Variants in AGBL1 observed in about 807,000 individuals in gnomAD.
AGBL1 encodes cytosolic carboxypeptidase 4.
A neutral mutation model predicts 118.9 loss-of-function variants in AGBL1; 130 were observed. The observed-to-expected ratio is 1.09, with a 90% confidence interval of 0.95 to 1.26. The LOEUF (loss-of-function observed/expected upper bound fraction) is 1.26, where lower values mean the gene tolerates loss of function less well. Among genes scored for constraint, AGBL1 ranks in the 50% most tolerant of loss-of-function variants. The pLI is 0.00. For synonymous variants in AGBL1, 555 were observed against 478.9 expected, an observed-to-expected ratio of 1.16 and a Z score of -2.08; for missense variants, 1,584 against 1,298.1, an observed-to-expected ratio of 1.22 and a Z score of -3.38.
At chr15:86,648,181 G>A (rs777722342) in intron 21 of AGBL1, among the ~76,000 whole-genome samples, 3 of 152,092 alleles carry the variant, frequency 2.0e-5, no homozygotes, top group African/African-American at 2.4e-5. Flanking sequence ...TAAACTTTGC[G>A]AAAACTGTTT....
intron 18 of AGBL1, among the ~76,000 whole-genome samples, chr15:86,521,634 A>G (rs1347073380): frequency 6.6e-6 from 1 of 152,204 alleles, no homozygotes; most frequent in African/African-American, 2.4e-5. Flanking sequence ...GTAGGGGTAC[A>G]TGAAGATGGA....
At chr15:86,483,446 A>G (rs750528891) in intron 18 of AGBL1, among the ~76,000 whole-genome samples, 10 of 152,100 alleles carry the variant, frequency 6.6e-5, no homozygotes, top group Non-Finnish European at 1.5e-4. Context: ...GCCTAATGGC[A>G]GTTAGCGAGG....
chr15:87,017,541 A>G (rs1467021683), intron 24 of AGBL1, among the ~76,000 whole-genome samples: 1 of 152,170 alleles, frequency 6.6e-6, no homozygotes, highest in Non-Finnish European at 1.5e-5. Flanking sequence ...AAATGGCAGC[A>G]GTCCTACAGA....
At chr15:86,891,674 A>T (rs548518055) in intron 22 of AGBL1, among the ~76,000 whole-genome samples, 17 of 152,074 alleles carry the variant, frequency 1.1e-4, no homozygotes, top group Non-Finnish European at 2.2e-4. Context: ...GTAAAGTGAA[A>T]AACTGGGTTG....
chr15:86,466,433 A>C (rs1414477338), intron 18 of AGBL1, among the ~76,000 whole-genome samples: 6 of 152,230 alleles, frequency 3.9e-5, no homozygotes, highest in Non-Finnish European at 8.8e-5. Flanking sequence ...GCATTGAATT[A>C]GAACATGCTC....
At chr15:86,772,151 C>G (rs2078191360) in intron 22 of AGBL1, among the ~76,000 whole-genome samples, 1 of 151,986 alleles carries the variant, frequency 6.6e-6, no homozygotes. Flanking sequence ...CCTTGGGAAA[C>G]CACCTCTCCT....
At chr15:86,692,446 T>C (rs2086189295) in intron 22 of AGBL1, among the ~76,000 whole-genome samples, 1 of 152,068 alleles carries the variant, frequency 6.6e-6, no homozygotes, top group African/African-American at 2.4e-5. Context: ...TGCCCTCACC[T>C]ATGAAAGCTG....
At chr15:87,004,368 T>G (rs945140063) in intron 24 of AGBL1, among the ~76,000 whole-genome samples, 6 of 152,172 alleles carry the variant, frequency 3.9e-5, no homozygotes, top group Non-Finnish European at 7.4e-5. Context: ...GAATCTGCGT[T>G]CTCCTGTAGT....
chr15:86,205,555 C>A (rs935786879), intron 5 of AGBL1, among the ~76,000 whole-genome samples: 1 of 152,176 alleles, frequency 6.6e-6, no homozygotes, highest in African/African-American at 2.4e-5. Flanking sequence ...TGGTTGTTAC[C>A]GTTTTGCATT....
rs141002300 is a variant in AGBL1, at chr15:86,748,187, G to A, written c.3158+73751G>A. Among the ~76,000 whole-genome samples, 781 of 152,232 alleles carry A rather than the reference G, an allele frequency of 5.1e-3. 7 individuals carry two copies. The highest frequency in any genetic ancestry group is 0.018 in the African/African-American group (735 of 41,548). On this transcript the variant is annotated intron_variant, in intron 22 of 22. Coordinates refer to ENST00000614907, the MANE Select transcript of AGBL1 (RefSeq NM_001386094.1). ...ATCACCATTCTAACTGGTGGGAGAT[G>A]GTATCTCATTGTGATTTTGATTTGC...
rs1187338815 is a variant in AGBL1 at position 86,434,205 on chromosome 15, G to GC, written c.2555+36660dup. On this transcript the variant is annotated intron_variant, in intron 18 of 22. Transcript: ENST00000614907. Reference sequence around the variant, plus strand: ...ATCTGGATTAATCACCGTGGTGAAAGCTGTTGTCCACACAGAGTTTTACGA... The same window carrying GC: ...ATCTGGATTAATCACCGTGGTGAAAGCCTGTTGTCCACACAGAGTTTTACGA... Among the ~76,000 whole-genome samples, 4 of 152,328 alleles carry GC rather than the reference G, an allele frequency of 2.6e-5. No individual in the cohort carries two copies. In the East Asian group the frequency reaches 7.7e-4, roughly 29 times the overall value.
intron 18 of AGBL1, among the ~76,000 whole-genome samples, chr15:86,456,595 G>A (rs893705249): frequency 6.6e-5 from 10 of 152,188 alleles, no homozygotes; most frequent in South Asian, 2.1e-4. Context: ...CATGTCTGTA[G>A]GCTGGATCTC....
chr15:86,182,170 G>T (rs1044235949), intron 5 of AGBL1, among the ~76,000 whole-genome samples: 5 of 152,048 alleles, frequency 3.3e-5, no homozygotes, highest in Admixed American at 1.3e-4. Context: ...CATTTGAGAC[G>T]AGTGGTAATG....
At chr15:86,369,434 A>C (rs936332240) in intron 17 of AGBL1, among the ~76,000 whole-genome samples, 2 of 152,156 alleles carry the variant, frequency 1.3e-5, no homozygotes, top group East Asian at 1.9e-4. Context: ...CTATAATTTG[A>C]TTGACACTAA....
intron 5 of AGBL1, among the ~76,000 whole-genome samples, chr15:86,192,913 A>G (rs979987134): frequency 1.1e-4 from 16 of 152,230 alleles, no homozygotes; most frequent in African/African-American, 3.6e-4. Context: ...TGATCTGTCC[A>G]TTATGCATCC....
chr15:86,733,472 C>T (rs1435683445), intron 22 of AGBL1, among the ~76,000 whole-genome samples: 1 of 152,100 alleles, frequency 6.6e-6, no homozygotes, highest in Non-Finnish European at 1.5e-5. Context: ...TCTGAGCATC[C>T]CTTAGCTCAG....
In AGBL1 at chr15:86,279,590, C is replaced by G. The variant is rs770600063; in HGVS notation, c.2076-49C>G. On this transcript the variant is annotated intron_variant, in intron 15 of 22. Transcript: ENST00000614907. ...TAGGACCCTAAATGACCCTGCACCCCCCTCCCACCTCTCCCTTATTCTCTT... is the reference window on the plus strand; with the variant it reads ...TAGGACCCTAAATGACCCTGCACCCGCCTCCCACCTCTCCCTTATTCTCTT... The G allele has an allele frequency of 1.7e-5, 27 of 1,577,590 alleles. No individual in the cohort carries two copies. In the South Asian group the frequency reaches 2.2e-4, roughly 13 times the overall value.
At chr15:86,329,736 G>C (rs1212046841) in intron 17 of AGBL1, among the ~76,000 whole-genome samples, 1 of 152,034 alleles carries the variant, frequency 6.6e-6, no homozygotes, top group Non-Finnish European at 1.5e-5. Flanking sequence ...AACTCTTTCT[G>C]TGAAGAGATT....
intron 22 of AGBL1, among the ~76,000 whole-genome samples, chr15:86,816,846 T>G (rs901488689): frequency 1.3e-5 from 2 of 152,084 alleles, no homozygotes; most frequent in African/African-American, 4.8e-5. Context: ...ATGCAGTTTT[T>G]TATCTAAATA....
Sources: allele counts gnomAD v4.1 joint callset (sites outside exome capture counted in the v4.1 genomes callset), GRCh38; gene constraint gnomAD v4.1.1; transcripts MANE v1.5; gene names NCBI Gene and HGNC (gene_info 2026-07-23, HGNC 2026-07-21).